Variants in ADGRL2 observed in about 807,000 individuals in gnomAD.
ADGRL2 encodes the protein calcium-independent alpha-latrotoxin receptor 2.
ADGRL2 carries 44 observed loss-of-function variants against 157.4 expected under a neutral mutation model. The ratio of observed to expected loss-of-function variants is 0.28; its 90% confidence interval spans 0.22 to 0.36. The LOEUF is 0.36. ADGRL2 is among the 10% of genes least tolerant of loss of function. The pLI, the probability that ADGRL2 is intolerant of heterozygous loss-of-function variation, is 1.00. For missense variants in ADGRL2, 1,510 were observed against 1,768.9 expected, an observed-to-expected ratio of 0.85 and a Z score of 2.63; for synonymous variants, 585 against 624.7, an observed-to-expected ratio of 0.94 and a Z score of 0.95.
intron 3 of ADGRL2, among the ~76,000 whole-genome samples, chr1:81,927,824 C>G (rs1212874567): frequency 6.6e-6 from 1 of 151,974 alleles, no homozygotes; most frequent in Non-Finnish European, 1.5e-5. Context: ...ATTAGTTAAG[C>G]TCACAAATCA....
intron 1 of ADGRL2, among the ~76,000 whole-genome samples, chr1:81,711,945 C>CA (rs1308021217): frequency 1.3e-5 from 2 of 151,844 alleles, no homozygotes; most frequent in South Asian, 2.1e-4. Flanking sequence ...TAGAGGAAAG[C>CA]AAAAAAATAT....
chr1:81,761,372 C>T (rs539222666), intron 1 of ADGRL2, among the ~76,000 whole-genome samples: 2 of 151,756 alleles, frequency 1.3e-5, no homozygotes, highest in South Asian at 4.2e-4. Context: ...TATTTTTCTC[C>T]AAATTAGGTT....
chr1:81,578,826 A>G (rs1359290540), intron 2 of ADGRL2, among the ~76,000 whole-genome samples: 1 of 152,178 alleles, frequency 6.6e-6, no homozygotes, highest in South Asian at 2.1e-4. Flanking sequence ...TCTATTGCAC[A>G]TTTATGTAGT....
rs1199296807 is a variant in ADGRL2, at chr1:81,979,800, C to T, written c.3022-69C>T. 6.8e-6 allele frequency: 6 copies of T among 877,100 alleles called. No individual in the cohort carries two copies. In the East Asian group the frequency reaches 7.3e-5, roughly 11 times the overall value. 54.3% of individuals were successfully genotyped at this position (877,100 alleles called of 1,614,324 possible). Reference sequence around the variant, plus strand: ...TCTTCCATATAAACATGGATCGATACATTTGCAAGAACTATTCATTTTTCA... The same window carrying T: ...TCTTCCATATAAACATGGATCGATATATTTGCAAGAACTATTCATTTTTCA... On this transcript the variant is annotated intron_variant, in intron 17 of 23. Coordinates refer to ENST00000686636, the MANE Select transcript of ADGRL2 (RefSeq NM_001366006.2).
intron 1 of ADGRL2, among the ~76,000 whole-genome samples, chr1:81,752,574 G>A (rs1224648852): frequency 1.3e-5 from 2 of 152,130 alleles, no homozygotes; most frequent in African/African-American, 4.8e-5. Flanking sequence ...GTCTCACAGA[G>A]TGCAGTGGCA....
intron 3 of ADGRL2, among the ~76,000 whole-genome samples, chr1:81,632,676 G>A (rs974828327): frequency 1.3e-5 from 2 of 151,614 alleles, no homozygotes; most frequent in Non-Finnish European, 2.9e-5. Flanking sequence ...GGAGAATAGC[G>A]TGAACCCGGG....
upstream of ADGRL2, among the ~76,000 whole-genome samples, chr1:81,795,851 G>C (rs993016167): frequency 6.6e-6 from 1 of 152,170 alleles, no homozygotes; most frequent in Non-Finnish European, 1.5e-5. Context: ...CATTCAAAGA[G>C]TTGTAATTTT....
intron 2 of ADGRL2, among the ~76,000 whole-genome samples, chr1:81,783,559 A>C (rs913626042): frequency 1.3e-5 from 2 of 152,200 alleles, no homozygotes; most frequent in African/African-American, 4.8e-5. Flanking sequence ...TAAATAAGTA[A>C]ATAATTAACT....
At chr1:81,649,011 GGT>G (rs1183992204) in intron 3 of ADGRL2, among the ~76,000 whole-genome samples, 2 of 152,126 alleles carry the variant, frequency 1.3e-5, no homozygotes, top group African/African-American at 4.8e-5. Flanking sequence ...ACCATGCCAG[GGT>G]GGTGAAGGCA....
rs1648772526 is a variant in ADGRL2, at chr1:81,943,531, C to T, written c.972C>T (p.Val324=). The change falls in exon 6 of 24, where the codon GTC becomes GTT. Residue 324 remains valine (V), a synonymous_variant. Transcript: ENST00000686636. This position sits in a 1 kb window ranked among gnomAD's most constrained non-coding sequence, Gnocchi z 5.6. ...AASNAFMICG[V]LYVVRSVYQD... Reference sequence around the variant, plus strand: ...CAAATGCTTTTATGATATGCGGAGTCCTCTATGTGGTTAGGTCAGTTTATC... The same window carrying T: ...CAAATGCTTTTATGATATGCGGAGTTCTCTATGTGGTTAGGTCAGTTTATC... 2 of 1,613,682 alleles carry T rather than the reference C, an allele frequency of 1.2e-6. No homozygotes were observed. Among genetic ancestry groups the T allele is most frequent in the Non-Finnish European group, 1.7e-6 (2 of 1,179,734 alleles).
intron 3 of ADGRL2, among the ~76,000 whole-genome samples, chr1:81,923,571 A>G (rs1216909397): frequency 6.6e-6 from 1 of 152,060 alleles, no homozygotes; most frequent in African/African-American, 2.4e-5. Context: ...CTCATCTTAT[A>G]GAATAGTTTG....
intron 1 of ADGRL2, among the ~76,000 whole-genome samples, chr1:81,368,264 T>C (rs1198394426): frequency 6.6e-6 from 1 of 152,232 alleles, no homozygotes; most frequent in African/African-American, 2.4e-5. Context: ...TTGATTTGCA[T>C]TTCTCTAATG....
At chr1:81,946,486 T>G (rs976573069) in intron 6 of ADGRL2, among the ~76,000 whole-genome samples, 2 of 152,048 alleles carry the variant, frequency 1.3e-5, no homozygotes, top group Non-Finnish European at 2.9e-5. Flanking sequence ...TCCAGTCCTG[T>G]TTTAACTCTT....
chr1:81,580,067 A>G (rs576203555), intron 2 of ADGRL2, among the ~76,000 whole-genome samples: 1 of 152,328 alleles, frequency 6.6e-6, no homozygotes, highest in South Asian at 2.1e-4. Context: ...TGTCAATTCT[A>G]CATAGTGAAT....
At chr1:81,888,169 G>A (rs1228162816) in intron 2 of ADGRL2, among the ~76,000 whole-genome samples, 2 of 152,250 alleles carry the variant, frequency 1.3e-5, no homozygotes, top group African/African-American at 2.4e-5. Flanking sequence ...GAGACAATAA[G>A]TTACAAGAAT....
chr1:81,496,425 A>T (rs1007400795), intron 2 of ADGRL2, among the ~76,000 whole-genome samples: 3 of 152,184 alleles, frequency 2.0e-5, no homozygotes, highest in African/African-American at 7.2e-5. Context: ...AAAAGACACT[A>T]TGACTGTTCT....
chr1:81,402,208 G>A (rs1467872078), intron 1 of ADGRL2, among the ~76,000 whole-genome samples: 1 of 152,172 alleles, frequency 6.6e-6, no homozygotes, highest in Non-Finnish European at 1.5e-5. Flanking sequence ...GATCCTTGCT[G>A]TTTTTCTTAG....
intron 1 of ADGRL2, chr1:81,722,725 G>C: frequency 3.2e-6 from 3 of 933,718 alleles, no homozygotes; most frequent in Non-Finnish European, 5.2e-6. Flanking sequence ...AAGAGCGAGA[G>C]ATCAAAGAAT....
intron 1 of ADGRL2, among the ~76,000 whole-genome samples, chr1:81,754,428 TCTCCTCCTCCTTCTCCTC>T (rs1228471358): frequency 1.4e-5 from 2 of 147,926 alleles, no homozygotes; most frequent in Non-Finnish European, 3.0e-5. Flanking sequence ...TTTTTTATTT[TCTCCTCCTCCTTCTCCTC>T]CTCCTCCTCC....
Sources: gnomAD v4.1 joint callset for allele counts (sites outside exome capture counted in the v4.1 genomes callset) on GRCh38, gnomAD v4.1.1 for gene constraint, Gnocchi (gnomAD v3.1) non-coding constraint, MANE v1.5 for transcripts, NCBI Gene and HGNC (gene_info 2026-07-23, HGNC 2026-07-21) for gene names.